The following MED13L variants were observed in gnomAD, a reference collection of about 807,000 sequenced individuals.
MED13L encodes the protein mediator complex subunit 13L, also known as mediator of RNA polymerase II transcription subunit 13-like.
In MED13L, 7 loss-of-function variants were observed where a neutral mutation model predicts 220.9. The observed-to-expected ratio is 0.03, with a 90% CI of 0.02 to 0.06. The LOEUF (loss-of-function observed/expected upper bound fraction) is 0.06, where lower values mean the gene tolerates loss of function less well. MED13L is among the 10% of genes least tolerant of loss of function. The pLI, the probability that MED13L is intolerant of heterozygous loss-of-function variation, is 1.00. For synonymous variants in MED13L, 1,011 were observed against 1,015.2 expected, an observed-to-expected ratio of 1.00 and a Z score of 0.08; for missense variants, 1,965 against 2,760.5, an observed-to-expected ratio of 0.71 and a Z score of 6.46.
At chr12:116,236,940 T>C (rs1593195439) in intron 2 of MED13L, 1 of 831,218 alleles carries the variant, frequency 1.2e-6, no homozygotes, top group Non-Finnish European at 1.5e-6. Context: ...AAAAGAAAAT[T>C]TGCTACACCC....
chr12:116,213,711 CA>C (rs1168726471), intron 2 of MED13L, among the ~76,000 whole-genome samples: 1 of 152,222 alleles, frequency 6.6e-6, no homozygotes, highest in Non-Finnish European at 1.5e-5. Flanking sequence ...CCGCATCCAG[CA>C]AAAGGTCTTT....
chr12:116,211,541 C>T lies in MED13L; in HGVS notation c.310+25927G>A, dbSNP rs554998765. 8.4e-4 allele frequency among the ~76,000 whole-genome samples: 128 copies of T among 152,218 alleles called. 1 individual carries two copies. Among genetic ancestry groups the T allele is most frequent in the African/African-American group, 3.0e-3 (125 of 41,526 alleles). ...TCAAGGGCATTTCTAAACTAAGTAT[C>T]GGCCTACAAGGCTCCTAAATACTAG... On this transcript the variant is annotated intron_variant, in intron 2 of 30. Transcript: ENST00000281928.
At chr12:116,101,450 T>C (rs1873057651) in intron 3 of MED13L, among the ~76,000 whole-genome samples, 1 of 152,222 alleles carries the variant, frequency 6.6e-6, no homozygotes, top group Non-Finnish European at 1.5e-5. Flanking sequence ...ATTTTTCTTG[T>C]TTATAATCAC....
Position 115,971,111 on chromosome 12 carries a change from G to A in MED13L, c.5891-341C>T, listed in dbSNP as rs932251661. On this transcript the variant is annotated intron_variant, in intron 26 of 30. Coordinates refer to ENST00000281928, the MANE Select transcript of MED13L (RefSeq NM_015335.5). ...CAATTTATAAAGTACTGTTCTAAAC[G>A]GTTAACAATCCTATAGAGATAGGAC... 5.9e-5 allele frequency among the ~76,000 whole-genome samples: 9 copies of A among 152,080 alleles called. No homozygotes were observed. The East Asian group carries it at 1.7e-3, about 29-fold the overall frequency.
At chr12:116,055,764 G>A (rs1485428432) in intron 4 of MED13L, among the ~76,000 whole-genome samples, 1 of 151,974 alleles carries the variant, frequency 6.6e-6, no homozygotes, top group African/African-American at 2.4e-5. Context: ...CTTGATAGCG[G>A]GTGCCTGTAA....
At chr12:116,100,282 T>G (rs1872955987) in intron 3 of MED13L, among the ~76,000 whole-genome samples, 2 of 151,926 alleles carry the variant, frequency 1.3e-5, no homozygotes, top group African/African-American at 4.8e-5. Context: ...CTCAAACGTT[T>G]TTGGGTCATG....
At chr12:116,091,027 A>C (rs1872151283) in intron 4 of MED13L, among the ~76,000 whole-genome samples, 2 of 149,052 alleles carry the variant, frequency 1.3e-5, no homozygotes, top group Admixed American at 6.8e-5. Flanking sequence ...TGGGAGGCTG[A>C]GGCAGGAGAA....
intron 2 of MED13L, among the ~76,000 whole-genome samples, chr12:116,159,814 A>C (rs930299670): frequency 1.3e-5 from 2 of 150,562 alleles, no homozygotes; most frequent in Non-Finnish European, 2.9e-5. Context: ...TTTTAAATTA[A>C]ATCTTCAACT....
At chr12:116,211,636 A>G (rs1882706390) in intron 2 of MED13L, among the ~76,000 whole-genome samples, 1 of 152,246 alleles carries the variant, frequency 6.6e-6, no homozygotes, top group Non-Finnish European at 1.5e-5. Context: ...AATAATTTTT[A>G]TAATATGCAA....
At chr12:116,252,278 T>C (rs1462536567) in intron 1 of MED13L, among the ~76,000 whole-genome samples, 1 of 152,116 alleles carries the variant, frequency 6.6e-6, no homozygotes, top group Non-Finnish European at 1.5e-5. Flanking sequence ...CATATGCTAG[T>C]CCATAAAACA....
chr12:115,990,339 TTTAA>T (rs1444609740), intron 17 of MED13L, among the ~76,000 whole-genome samples: 2 of 152,230 alleles, frequency 1.3e-5, no homozygotes, highest in African/African-American at 4.8e-5. Flanking sequence ...TGTGTAATTA[TTTAA>T]TTGATGTCCA....
intron 1 of MED13L, among the ~76,000 whole-genome samples, chr12:116,252,530 A>G (rs1682758091): frequency 6.6e-6 from 1 of 152,038 alleles, no homozygotes; most frequent in Non-Finnish European, 1.5e-5. Context: ...CAGAGTGACA[A>G]TGTGTCTCAA....
intron 3 of MED13L, among the ~76,000 whole-genome samples, chr12:116,102,199 T>C (rs902565846): frequency 6.6e-6 from 1 of 152,186 alleles, no homozygotes; most frequent in African/African-American, 2.4e-5. Context: ...CTCTGAATAA[T>C]TAAGTGCAAA....
intron 2 of MED13L, among the ~76,000 whole-genome samples, chr12:116,140,028 T>C (rs956114482): frequency 6.7e-6 from 1 of 149,848 alleles, no homozygotes; most frequent in African/African-American, 2.5e-5. Context: ...ACTAACACAG[T>C]TTCCAAAGGC....
intron 4 of MED13L, among the ~76,000 whole-genome samples, chr12:116,076,107 G>A (rs1289689852): frequency 6.6e-6 from 1 of 151,906 alleles, no homozygotes; most frequent in Non-Finnish European, 1.5e-5. Flanking sequence ...TAGAGACGGG[G>A]TTTCACCGTG....
intron 27 of MED13L, among the ~76,000 whole-genome samples, chr12:115,969,948 T>G (rs1480512247): frequency 1.3e-5 from 2 of 152,190 alleles, no homozygotes; most frequent in Non-Finnish European, 2.9e-5. Context: ...CATGATCATT[T>G]TTTTCTATGA....
intron 1 of MED13L, among the ~76,000 whole-genome samples, chr12:116,244,890 T>A (rs1342584105): frequency 1.3e-5 from 2 of 152,146 alleles, no homozygotes; most frequent in African/African-American, 4.8e-5. Flanking sequence ...AGGCTGAGGC[T>A]GCAGTGAGCT....
chr12:116,060,579 G>GGA (rs1869379686), intron 4 of MED13L, among the ~76,000 whole-genome samples: 1 of 89,162 alleles, frequency 1.1e-5, no homozygotes, highest in Non-Finnish European at 2.4e-5. Context: ...GACTCCAAGG[G>GGA]AAAAAAAAAA....
chr12:116,135,266 C>T (rs1485688087), intron 2 of MED13L, among the ~76,000 whole-genome samples: 2 of 152,186 alleles, frequency 1.3e-5, no homozygotes, highest in African/African-American at 2.4e-5. Context: ...CTGGAACACT[C>T]GCTCTGAAAG....
Sources: allele counts gnomAD v4.1 joint callset (sites outside exome capture counted in the v4.1 genomes callset), GRCh38; gene constraint gnomAD v4.1.1; transcripts MANE v1.5; gene names NCBI Gene and HGNC (gene_info 2026-07-23, HGNC 2026-07-21).